CNTN1: variants seen among roughly 807,000 people sequenced by gnomAD.
CNTN1 encodes contactin-1.
Under a neutral mutation model 126.4 loss-of-function variants are expected in CNTN1, and 38 were observed. The observed-to-expected ratio is 0.30, with a 90% CI of 0.23 to 0.39. CNTN1 has a LOEUF of 0.39. CNTN1 is among the 10% of genes least tolerant of loss of function. The pLI, the probability that CNTN1 is intolerant of heterozygous loss-of-function variation, is 1.00. For synonymous variants in CNTN1, 413 were observed against 422.6 expected (o/e 0.98, Z 0.28); for missense variants, 1,009 against 1,248.4 (o/e 0.81, Z 2.89).
intron 6 of CNTN1, among the ~76,000 whole-genome samples, chr12:40,925,301 C>T (rs934399267): frequency 9.2e-5 from 14 of 151,710 alleles, no homozygotes; most frequent in African/African-American, 3.4e-4. Flanking sequence ...CTCTTTGAAA[C>T]AATATATAAA....
intron 3 of CNTN1, among the ~76,000 whole-genome samples, chr12:40,912,914 C>T (rs1945095041): frequency 6.6e-6 from 1 of 152,100 alleles, no homozygotes; most frequent in African/African-American, 2.4e-5. Context: ...GGAAGTAGGC[C>T]CACCAGCCCA....
At chr12:40,716,472 T>A (rs1251035190) in intron 1 of CNTN1, among the ~76,000 whole-genome samples, 1 of 152,154 alleles carries the variant, frequency 6.6e-6, no homozygotes, top group East Asian at 1.9e-4. Flanking sequence ...TAACAAATGT[T>A]GAAAGTCCCA....
At chr12:41,066,844 A>G (rs1950057827) in intron 23 of CNTN1, among the ~76,000 whole-genome samples, 1 of 152,046 alleles carries the variant, frequency 6.6e-6, no homozygotes, top group Non-Finnish European at 1.5e-5. Context: ...TTTAGATTTA[A>G]AAAAAAATCA....
At chr12:40,831,064 C>T (rs1305163134) in intron 1 of CNTN1, among the ~76,000 whole-genome samples, 2 of 136,572 alleles carry the variant, frequency 1.5e-5, no homozygotes, top group African/African-American at 5.9e-5. Flanking sequence ...ATATACAATA[C>T]AGTATATATA....
At chr12:40,737,845 G>T (rs1992605) in intron 1 of CNTN1, among the ~76,000 whole-genome samples, 35,609 of 151,782 alleles carry the variant, frequency 0.23, 5,221 homozygotes, top group South Asian at 0.44. Flanking sequence ...TTGAAACAAA[G>T]ATCAAAATAA....
intron 16 of CNTN1, among the ~76,000 whole-genome samples, chr12:40,991,873 C>A (rs1037542649): frequency 1.3e-5 from 2 of 152,110 alleles, no homozygotes; most frequent in African/African-American, 4.8e-5. Flanking sequence ...CCTTACTCAG[C>A]GTTATCAGTT....
chr12:40,828,439 C>G (rs1035042814), intron 1 of CNTN1: 2 of 152,034 alleles, frequency 1.3e-5, no homozygotes, highest in Non-Finnish European at 2.9e-5. Context: ...TCAATTGTTA[C>G]GTTAAACGAG....
intron 17 of CNTN1, among the ~76,000 whole-genome samples, chr12:41,008,723 T>A (rs534904288): frequency 1.3e-5 from 2 of 152,204 alleles, no homozygotes. Context: ...GAACCATCTA[T>A]GACATGCTTA....
chr12:40,889,390 T>C (rs891647776), intron 1 of CNTN1, among the ~76,000 whole-genome samples: 3 of 152,238 alleles, frequency 2.0e-5, no homozygotes, highest in Non-Finnish European at 2.9e-5. Context: ...TCATTGCTTC[T>C]CTTTTCAGTC....
chr12:40,802,642 A>G (rs1220621352), intron 1 of CNTN1, among the ~76,000 whole-genome samples: 1 of 151,974 alleles, frequency 6.6e-6, no homozygotes, highest in Non-Finnish European at 1.5e-5. Context: ...TGTATGTCTG[A>G]TGATTTCCCA....
intron 1 of CNTN1, among the ~76,000 whole-genome samples, chr12:40,786,489 T>G (rs1940025762): frequency 6.6e-6 from 1 of 152,162 alleles, no homozygotes; most frequent in Non-Finnish European, 1.5e-5. Flanking sequence ...GGTGATCCCT[T>G]CATTTTTGGC....
chr12:40,912,330 T>A (rs7312528), intron 3 of CNTN1, among the ~76,000 whole-genome samples: 1 of 151,658 alleles, frequency 6.6e-6, no homozygotes. Flanking sequence ...AATTAATAAC[T>A]AAATCATTTG....
intron 3 of CNTN1, among the ~76,000 whole-genome samples, chr12:40,917,983 G>C (rs1945303940): frequency 1.3e-5 from 2 of 152,148 alleles, no homozygotes; most frequent in Admixed American, 1.3e-4. Context: ...GCTCAGAAAA[G>C]AGACTGATTT....
chr12:41,066,836 T>C (rs1950057480), intron 23 of CNTN1, among the ~76,000 whole-genome samples: 1 of 151,316 alleles, frequency 6.6e-6, no homozygotes, highest in Non-Finnish European at 1.5e-5. Context: ...AATCAAAGTT[T>C]AGATTTAAAA....
intron 1 of CNTN1, among the ~76,000 whole-genome samples, chr12:40,867,147 C>G (rs535753718): frequency 4.6e-5 from 7 of 152,100 alleles, no homozygotes; most frequent in Admixed American, 3.3e-4. Context: ...ACCTTGTTGT[C>G]CAAGGAGTTC....
intron 1 of CNTN1, among the ~76,000 whole-genome samples, chr12:40,693,087 A>T (rs1395232713): frequency 6.6e-6 from 1 of 152,048 alleles, no homozygotes; most frequent in Admixed American, 6.5e-5. Flanking sequence ...CGGAGAGGGG[A>T]GGAAGCGACT....
intron 23 of CNTN1, among the ~76,000 whole-genome samples, chr12:41,047,239 G>A (rs1394966458): frequency 6.6e-6 from 1 of 151,990 alleles, no homozygotes; most frequent in Admixed American, 6.6e-5. Context: ...TGATTAACAC[G>A]GATCCAGGTG....
At position 41,056,830 on chromosome 12, in the gene CNTN1, C is replaced by A. The variant is rs189400453; in HGVS notation, c.2981-13129C>A. 4.1e-5 allele frequency among the ~76,000 whole-genome samples: 6 copies of A among 148,114 alleles called. No individual in the cohort carries two copies. In the East Asian group the frequency reaches 9.8e-4, roughly 24 times the overall value. ...TTATATAGTCCAATTAAAGTATTATCTAAATATAACATTTAGATCATAATT... is the reference window on the plus strand; with the variant it reads ...TTATATAGTCCAATTAAAGTATTATATAAATATAACATTTAGATCATAATT... On this transcript the variant is annotated intron_variant, in intron 23 of 23. Transcript: ENST00000551295.
intron 1 of CNTN1, among the ~76,000 whole-genome samples, chr12:40,886,465 T>C (rs1285105831): frequency 1.3e-5 from 2 of 152,182 alleles, no homozygotes; most frequent in Non-Finnish European, 2.9e-5. Flanking sequence ...TTCTGGATAT[T>C]AGCCCTTTGT....
Sources: allele counts gnomAD v4.1 joint callset (sites outside exome capture counted in the v4.1 genomes callset), GRCh38; gene constraint gnomAD v4.1.1; transcripts MANE v1.5; gene names NCBI Gene and HGNC (gene_info 2026-07-23, HGNC 2026-07-21).